Variants in SPEM3 observed in about 807,000 individuals in gnomAD.
SPEM3 encodes the protein SPEM family member 3, also known as uncharacterized protein SPEM3.
chr17:7,431,176 A>T lies in SPEM3; in HGVS notation c.2005A>T (p.Thr669Ser), dbSNP rs1907821142. The change falls in exon 3 of 3, where the codon ACC becomes TCC. Residue 669 changes from threonine to serine, a missense_variant. Transcript: ENST00000636696. Reference protein sequence around the residue: ...CPECHESLGLTQDSGLQRTPG... With the variant: ...CPECHESLGLSQDSGLQRTPG... ...TGAATGTCATGAGAGTCTAGGCCTT[A>T]CCCAAGATTCTGGCCTTCAAAGGAC... 7.5e-6 allele frequency: 3 copies of T among 398,548 alleles called. No homozygotes were observed. The highest frequency in any genetic ancestry group is 1.3e-5 in the Non-Finnish European group (3 of 226,076). The allele number at this position is 398,548 out of a possible 1,614,324, so 24.7% of individuals were successfully genotyped here.
chr17:7,429,339 C>T lies in SPEM3; in HGVS notation c.197-29C>T. On this transcript the variant is annotated intron_variant, in intron 2 of 2. Coordinates refer to ENST00000636696, the MANE Select transcript of SPEM3 (RefSeq NM_001364708.1). This position sits in a 1 kb window ranked among gnomAD's most constrained non-coding sequence, Gnocchi z 4.9. ...GTTCTTAGTCCCTAGGGAACCCGGG[C>T]ATTGTCCCCATCCTACCTCTCCCTG... is the stretch of plus-strand genomic sequence containing the variant. 1 of 398,588 alleles carries T rather than the reference C, an allele frequency of 2.5e-6. No individual in the cohort carries two copies. Among genetic ancestry groups the T allele is most frequent in the Non-Finnish European group, 4.4e-6 (1 of 226,066 alleles). 24.7% of individuals were successfully genotyped at this position (398,588 alleles called of 1,614,324 possible).
At position 7,431,673 on chromosome 17, in the gene SPEM3, A is replaced by G. The variant is rs1597735836; in HGVS notation, c.2502A>G (p.Leu834=). 3 of 398,636 alleles carry G rather than the reference A, an allele frequency of 7.5e-6. No individual in the cohort carries two copies. In the East Asian group the frequency reaches 1.1e-4, roughly 14 times the overall value. 24.7% of individuals were successfully genotyped at this position (398,636 alleles called of 1,614,324 possible). A position where few individuals can be genotyped will look rare whatever the true frequency, so the allele number is the denominator to read the frequency against. Residue 834 remains leucine (L), a synonymous_variant, in exon 3 of 3, where the codon CTA becomes CTG. Transcript: ENST00000636696. ...LSQATDHQKN[L]GSSKDSGGHK... ...AAGCAACTGACCACCAAAAGAACCTAGGCTCTTCTAAAGATTCTGGAGGTC... is the reference window on the plus strand; with the variant it reads ...AAGCAACTGACCACCAAAAGAACCTGGGCTCTTCTAAAGATTCTGGAGGTC...
chr17:7,430,135 A>G lies in SPEM3; in HGVS notation c.964A>G (p.Ser322Gly). Reference protein sequence around the residue: ...TPEYTHSQAHSPEHTSAHSPA... With the variant: ...TPEYTHSQAHGPEHTSAHSPA... Reference sequence around the variant, plus strand: ...TGAGTATACTCACTCCCAGGCCCACAGCCCTGAACACACCTCAGCCCACTC... The same window carrying G: ...TGAGTATACTCACTCCCAGGCCCACGGCCCTGAACACACCTCAGCCCACTC... Residue 322 changes from serine (S) to glycine (G), a missense_variant, in exon 3 of 3, where the codon AGC becomes GGC. Physicochemically the swap from Ser to Gly is moderately conservative, Grantham distance 56. Transcript: ENST00000636696. 1 of 416,166 alleles carries G rather than the reference A, an allele frequency of 2.4e-6. No homozygotes were observed. Among genetic ancestry groups the G allele is most frequent in the Non-Finnish European group, 4.2e-6 (1 of 236,784 alleles). 25.8% of individuals were successfully genotyped at this position (416,166 alleles called of 1,614,324 possible). A position where few individuals can be genotyped will look rare whatever the true frequency, so the allele number is the denominator to read the frequency against.
At position 7,431,208 on chromosome 17, in the gene SPEM3, C is replaced by A. The variant is rs1283879460; in HGVS notation, c.2037C>A (p.Gly679=). The change falls in exon 3 of 3, where the codon GGC becomes GGA. Residue 679 remains glycine, a synonymous_variant. Transcript: ENST00000636696. ...TQDSGLQRTP[G]PSKDSRVPRN... ...ATTCTGGCCTTCAAAGGACCCCAGGCCCTTCAAAAGACTCCAGAGTTCCCA... is the reference window on the plus strand; with the variant it reads ...ATTCTGGCCTTCAAAGGACCCCAGGACCTTCAAAAGACTCCAGAGTTCCCA... 5.0e-6 allele frequency: 2 copies of A among 398,404 alleles called. No individual in the cohort carries two copies. The highest frequency in any genetic ancestry group is 8.8e-5 in the Admixed American group (2 of 22,704). 24.7% of individuals were successfully genotyped at this position (398,404 alleles called of 1,614,324 possible). A position where few individuals can be genotyped will look rare whatever the true frequency, so the allele number is the denominator to read the frequency against.
Position 7,432,813 on chromosome 17 carries a change from G to T in SPEM3, c.*51G>T. ...AAAAGTGCATCAGGAATAAAGAGGC[G>T]AGAGAAATGTTCTGTGTTTGTTTGA... On this transcript the variant is annotated 3_prime_UTR_variant, in exon 3 of 3. Transcript: ENST00000636696. This position sits in a 1 kb window ranked among gnomAD's most constrained non-coding sequence, Gnocchi z 4.1. 2.5e-6 allele frequency: 1 copy of T among 398,126 alleles called. No individual in the cohort carries two copies. The highest frequency in any genetic ancestry group is 4.4e-6 in the Non-Finnish European group (1 of 226,066). 24.7% of individuals were successfully genotyped at this position (398,126 alleles called of 1,614,324 possible).
chr17:7,432,276 G>A lies in SPEM3; in HGVS notation c.3105G>A (p.Leu1035=), dbSNP rs1907855818. The A allele has an allele frequency of 2.5e-6, 1 of 398,720 alleles. No individual in the cohort carries two copies. Among genetic ancestry groups the A allele is most frequent in the Non-Finnish European group, 4.4e-6 (1 of 226,174 alleles). The allele number at this position is 398,720 out of a possible 1,614,324, so 24.7% of individuals were successfully genotyped here. ...TAGGTTCTGATTTTGTCCAGCTTTT[G>A]TCCCTGCTTCAGACCCCAAAGTCCA... is the stretch of plus-strand genomic sequence containing the variant. ...PALGSDFVQL[L]SLLQTPKSTL... is the part of the protein sequence containing the mutation. Residue 1035 remains leucine (L), a synonymous_variant, in exon 3 of 3, where the codon TTG becomes TTA. Transcript: ENST00000636696. The surrounding 1 kb of genome is among the most constrained non-coding windows in gnomAD (Gnocchi z 4.1).
Position 7,432,486 on chromosome 17 carries a change from C to G in SPEM3, c.3315C>G (p.Ser1105=), listed in dbSNP as rs1332705771. 2.5e-6 allele frequency: 1 copy of G among 398,612 alleles called. No homozygotes were observed. Among genetic ancestry groups the G allele is most frequent in the Non-Finnish European group, 4.4e-6 (1 of 226,122 alleles). The allele number at this position is 398,612 out of a possible 1,614,324, so 24.7% of individuals were successfully genotyped here. Residue 1105 remains serine, a synonymous_variant, in exon 3 of 3, where the codon TCC becomes TCG. Coordinates refer to ENST00000636696, the MANE Select transcript of SPEM3 (RefSeq NM_001364708.1). This position sits in a 1 kb window ranked among gnomAD's most constrained non-coding sequence, Gnocchi z 4.1. The stretch of plus-strand genomic sequence containing the variant: ...TATTAATTGAGCTGCAGTCATCCTC[C>G]TGGCGGGCAGGCAGCCAGCACGGGG... ...VPVLIELQSS[S]WRAGSQHGAY...
rs1907805197 is a variant in SPEM3, at chr17:7,430,683, T to C, written c.1512T>C (p.Ser504=). The change falls in exon 3 of 3, where the codon AGT becomes AGC. Residue 504 remains serine, a synonymous_variant. Coordinates refer to ENST00000636696, the MANE Select transcript of SPEM3 (RefSeq NM_001364708.1). ...AAACAAAGCAATGCAGTGGGGATAGTGCCAAGCTTCCTGCAGGATCCATAC... is the reference window on the plus strand; with the variant it reads ...AAACAAAGCAATGCAGTGGGGATAGCGCCAAGCTTCCTGCAGGATCCATAC... The part of the protein sequence containing the change: ...SEQTKQCSGD[S]AKLPAGSILG... 2.5e-6 allele frequency: 1 copy of C among 398,606 alleles called. No homozygotes were observed. Among genetic ancestry groups the C allele is most frequent in the Non-Finnish European group, 4.4e-6 (1 of 226,104 alleles). The allele number at this position is 398,606 out of a possible 1,614,324, so 24.7% of individuals were successfully genotyped here. A position where few individuals can be genotyped will look rare whatever the true frequency, so the allele number is the denominator to read the frequency against.
chr17:7,432,160 A>G lies in SPEM3; in HGVS notation c.2989A>G (p.Lys997Glu). The change falls in exon 3 of 3, where the codon AAG becomes GAG. Residue 997 changes from lysine to glutamate, a missense_variant. Physicochemically the swap from Lys to Glu is moderately conservative, Grantham distance 56. Coordinates refer to ENST00000636696, the MANE Select transcript of SPEM3 (RefSeq NM_001364708.1). The surrounding 1 kb of genome is among the most constrained non-coding windows in gnomAD (Gnocchi z 4.1). ...PALVQDSGLP[K>E]ISGLTQESGP... is the part of the protein sequence containing the mutation. ...CCTTGTCCAAGACTCTGGCCTCCCC[A>G]AGATTTCAGGCCTTACCCAGGAATC... 1 of 398,586 alleles carries G rather than the reference A, an allele frequency of 2.5e-6. No homozygotes were observed. Among genetic ancestry groups the G allele is most frequent in the East Asian group, 3.6e-5 (1 of 28,078 alleles). The allele number at this position is 398,586 out of a possible 1,614,324, so 24.7% of individuals were successfully genotyped here. A position where few individuals can be genotyped will look rare whatever the true frequency, so the allele number is the denominator to read the frequency against.
Position 7,429,537 on chromosome 17 carries a change from G to C in SPEM3, c.366G>C (p.Ala122=), listed in dbSNP as rs1240273318. The C allele has an allele frequency of 1.0e-5, 4 of 398,558 alleles. No individual in the cohort carries two copies. The highest frequency in any genetic ancestry group is 1.8e-5 in the Non-Finnish European group (4 of 226,154). 24.7% of individuals were successfully genotyped at this position (398,558 alleles called of 1,614,324 possible). The change falls in exon 3 of 3, where the codon GCG becomes GCC. Residue 122 remains alanine, a synonymous_variant. Coordinates refer to ENST00000636696, the MANE Select transcript of SPEM3 (RefSeq NM_001364708.1). This position sits in a 1 kb window ranked among gnomAD's most constrained non-coding sequence, Gnocchi z 4.9. ...IPDTNDEKVS[A]CCCVPPKCGH... is the part of the protein sequence containing the mutation. ...ACACGAACGATGAGAAGGTTTCTGC[G>C]TGCTGCTGCGTGCCCCCTAAATGTG...
chr17:7,429,485 T>C lies in SPEM3; in HGVS notation c.314T>C (p.Val105Ala), dbSNP rs1006308209. ...HPRPGFLLRR[V>A]NHLDSWIPDT... ...CGCCCAGGCTTCCTGCTCAGGCGCG[T>C]TAACCACCTTGACTCCTGGATACCA... is the stretch of plus-strand genomic sequence containing the variant. Residue 105 changes from valine (V) to alanine (A), a missense_variant, in exon 3 of 3, where the codon GTT becomes GCT. Coordinates refer to ENST00000636696, the MANE Select transcript of SPEM3 (RefSeq NM_001364708.1). This position sits in a 1 kb window ranked among gnomAD's most constrained non-coding sequence, Gnocchi z 4.9. The C allele has an allele frequency of 2.5e-6, 1 of 398,484 alleles. No individual in the cohort carries two copies. Among genetic ancestry groups the C allele is most frequent in the African/African-American group, 2.1e-5 (1 of 48,578 alleles). The allele number at this position is 398,484 out of a possible 1,614,324, so 24.7% of individuals were successfully genotyped here.
In SPEM3 at chr17:7,430,317, T is replaced by C. The variant is rs1235462836; in HGVS notation, c.1146T>C (p.Leu382=). The change falls in exon 3 of 3, where the codon CTT becomes CTC. Residue 382 remains leucine (L), a synonymous_variant. Transcript: ENST00000636696. ...CTGCCCCAGCTCCTCCCGGAACTCT[T>C]GCCCCAGCCACTACTCCTGTCCTAG... ...PTSAPAPPGT[L]APATTPVLAP... is the part of the protein sequence containing the mutation. The C allele has an allele frequency of 4.8e-6, 2 of 412,778 alleles. No homozygotes were observed. Among genetic ancestry groups the C allele is most frequent in the Non-Finnish European group, 8.5e-6 (2 of 234,822 alleles). 25.6% of individuals were successfully genotyped at this position (412,778 alleles called of 1,614,324 possible).
rs1907750642 is a variant in SPEM3 at position 7,429,292 on chromosome 17, C to A, written c.196+45C>A. 2.5e-6 allele frequency: 1 copy of A among 398,518 alleles called. No individual in the cohort carries two copies. Among genetic ancestry groups the A allele is most frequent in the African/African-American group, 2.1e-5 (1 of 48,686 alleles). The allele number at this position is 398,518 out of a possible 1,614,324, so 24.7% of individuals were successfully genotyped here. ...GGCTCCCAGGGATATGGGCCTGTCC[C>A]CTTTCTCCTATCCCTGGCCCAGTTC... On this transcript the variant is annotated intron_variant, in intron 2 of 2. Coordinates refer to ENST00000636696, the MANE Select transcript of SPEM3 (RefSeq NM_001364708.1). This position sits in a 1 kb window ranked among gnomAD's most constrained non-coding sequence, Gnocchi z 4.9.
chr17:7,430,661 C>A lies in SPEM3; in HGVS notation c.1490C>A (p.Thr497Lys), dbSNP rs1463953520. Residue 497 changes from threonine (T) to lysine (K), a missense_variant, in exon 3 of 3, where the codon ACA becomes AAA. By Grantham distance (78) the Thr-to-Lys change is moderately conservative. Coordinates refer to ENST00000636696, the MANE Select transcript of SPEM3 (RefSeq NM_001364708.1). Reference sequence around the variant, plus strand: ...GTGAGTTCTGGCATATCTGAGCAAACAAAGCAATGCAGTGGGGATAGTGCC... The same window carrying A: ...GTGAGTTCTGGCATATCTGAGCAAAAAAAGCAATGCAGTGGGGATAGTGCC... The part of the protein sequence containing the change: ...DLVSSGISEQ[T>K]KQCSGDSAKL... 8 of 398,508 alleles carry A rather than the reference C, an allele frequency of 2.0e-5. No individual in the cohort carries two copies. The highest frequency in any genetic ancestry group is 3.5e-5 in the Non-Finnish European group (8 of 226,108). 24.7% of individuals were successfully genotyped at this position (398,508 alleles called of 1,614,324 possible). A position where few individuals can be genotyped will look rare whatever the true frequency, so the allele number is the denominator to read the frequency against.
Position 7,430,776 on chromosome 17 carries a change from G to A in SPEM3, c.1605G>A (p.Gln535=). The A allele has an allele frequency of 2.5e-6, 1 of 398,586 alleles. No homozygotes were observed. The allele number at this position is 398,586 out of a possible 1,614,324, so 24.7% of individuals were successfully genotyped here. A position where few individuals can be genotyped will look rare whatever the true frequency, so the allele number is the denominator to read the frequency against. ...NSDDAKDKFP[Q]TKTSPYCSFH... ...ATGATGCCAAAGATAAGTTCCCCCA[G>A]ACCAAGACTTCCCCTTACTGCAGCT... Residue 535 remains glutamine (Q), a synonymous_variant, in exon 3 of 3, where the codon CAG becomes CAA. Transcript: ENST00000636696.
In SPEM3 at chr17:7,431,977, T is replaced by C; in HGVS notation, c.2806T>C (p.Ser936Pro). The change falls in exon 3 of 3, where the codon TCC becomes CCC. Residue 936 changes from serine to proline, a missense_variant. Transcript: ENST00000636696. ...CAAAGTTAAAGGCCTTACTCAAGAT[T>C]CCAACCTCCCAAGCCTTACCCAAGC... ...GHKVKGLTQD[S>P]NLPSLTQATK... 1 of 398,488 alleles carries C rather than the reference T, an allele frequency of 2.5e-6. No homozygotes were observed. Among genetic ancestry groups the C allele is most frequent in the Admixed American group, 4.4e-5 (1 of 22,726 alleles). 24.7% of individuals were successfully genotyped at this position (398,488 alleles called of 1,614,324 possible).
Position 7,431,559 on chromosome 17 carries a change from G to A in SPEM3, c.2388G>A (p.Arg796=). 2.5e-6 allele frequency: 1 copy of A among 398,582 alleles called. No individual in the cohort carries two copies. Among genetic ancestry groups the A allele is most frequent in the Non-Finnish European group, 4.4e-6 (1 of 226,072 alleles). The allele number at this position is 398,582 out of a possible 1,614,324, so 24.7% of individuals were successfully genotyped here. A position where few individuals can be genotyped will look rare whatever the true frequency, so the allele number is the denominator to read the frequency against. Residue 796 remains arginine (R), a synonymous_variant, in exon 3 of 3, where the codon AGG becomes AGA. Coordinates refer to ENST00000636696, the MANE Select transcript of SPEM3 (RefSeq NM_001364708.1). ...TPFTQTSDLQ[R]SSGFTQDSGI... ...TTACCCAAACTTCTGATCTTCAGAG[G>A]AGCTCAGGCTTTACACAAGACTCTG...
rs1039815053 is a variant in SPEM3, at chr17:7,432,513, G to A, written c.3342G>A (p.Ala1114=). ...SSWRAGSQHG[A]YRPVDTVPSG... is the part of the protein sequence containing the mutation. ...GGCGGGCAGGCAGCCAGCACGGGGC[G>A]TACCGCCCTGTGGATACAGTTCCTT... Residue 1114 remains alanine, a synonymous_variant, in exon 3 of 3, where the codon GCG becomes GCA. Transcript: ENST00000636696. This position sits in a 1 kb window ranked among gnomAD's most constrained non-coding sequence, Gnocchi z 4.1. 1.5e-4 allele frequency: 58 copies of A among 398,628 alleles called. No homozygotes were observed. Among genetic ancestry groups the A allele is most frequent in the African/African-American group, 7.4e-4 (36 of 48,654 alleles). The allele number at this position is 398,628 out of a possible 1,614,324, so 24.7% of individuals were successfully genotyped here.
chr17:7,429,336 G>A lies in SPEM3; in HGVS notation c.197-32G>A, dbSNP rs1489390649. ...CCAGTTCTTAGTCCCTAGGGAACCC[G>A]GGCATTGTCCCCATCCTACCTCTCC... is the stretch of plus-strand genomic sequence containing the variant. On this transcript the variant is annotated intron_variant, in intron 2 of 2. Transcript: ENST00000636696. The surrounding 1 kb of genome is among the most constrained non-coding windows in gnomAD (Gnocchi z 4.9). 1.3e-5 allele frequency: 5 copies of A among 398,362 alleles called. No individual in the cohort carries two copies. The highest frequency in any genetic ancestry group is 4.4e-5 in the Admixed American group (1 of 22,710). 24.7% of individuals were successfully genotyped at this position (398,362 alleles called of 1,614,324 possible).
Sources: gnomAD v4.1 joint callset for allele counts on GRCh38, gnomAD v4.1.1 for gene constraint, Gnocchi (gnomAD v3.1) non-coding constraint, MANE v1.5 for transcripts, NCBI Gene and HGNC (gene_info 2026-07-23, HGNC 2026-07-21) for gene names.